The following FAM111B variants were observed in gnomAD, a reference collection of about 807,000 sequenced individuals.
The protein encoded by FAM111B is serine protease FAM111B.
FAM111B carries 1 observed loss-of-function variant against 2.8 expected under a neutral mutation model. The ratio of observed to expected loss-of-function variants is 0.36; its 90% CI spans 0.13 to 1.70. The LOEUF (loss-of-function observed/expected upper bound fraction) is 1.70, where lower values mean the gene tolerates loss of function less well. Ranked by LOEUF, FAM111B falls within the 40% of genes most tolerant of loss-of-function variation. The probability of loss-of-function intolerance (pLI) is 0.35; values close to 1 mark genes in which losing one functional copy is unlikely to be tolerated. For missense variants in FAM111B, 882 were observed against 878.9 expected, an observed-to-expected ratio of 1.00 and a Z score of -0.04; for synonymous variants, 297 against 295.6, an observed-to-expected ratio of 1.00 and a Z score of -0.05.
Position 59,126,311 on chromosome 11 carries a change from T to A in FAM111B, c.*9T>A, listed in dbSNP as rs1420645449. 1 of 1,497,456 alleles carries A rather than the reference T, an allele frequency of 6.7e-7. No homozygotes were observed. The highest frequency in any genetic ancestry group is 1.4e-5 in the African/African-American group (1 of 71,180). The allele number at this position is 1,497,456 out of a possible 1,614,324, so 92.8% of individuals were successfully genotyped here. A position where few individuals can be genotyped will look rare whatever the true frequency, so the allele number is the denominator to read the frequency against. ...AACCCATGGAATGTTAGAAAAGAGA[T>A]GCTGTCTTCAAGAAAATATGCCAAT... is the stretch of plus-strand genomic sequence containing the variant. On this transcript the variant is annotated 3_prime_UTR_variant, in exon 4 of 4. Coordinates refer to ENST00000343597, the MANE Select transcript of FAM111B (RefSeq NM_198947.4).
chr11:59,121,871 G>A (rs548813988), intron 3 of FAM111B, among the ~76,000 whole-genome samples: 41 of 152,296 alleles, frequency 2.7e-4, no homozygotes, highest in Non-Finnish European at 4.4e-4. Context: ...CAGGCCGGGC[G>A]CAGTGGCTCA....
In FAM111B at chr11:59,124,377, C is replaced by G. The variant is rs746511108; in HGVS notation, c.280C>G (p.Arg94Gly). The change falls in exon 4 of 4, where the codon CGT becomes GGT. Residue 94 changes from arginine to glycine, a missense_variant. Physicochemically the swap from Arg to Gly is moderately radical, Grantham distance 125. Transcript: ENST00000343597. ...TLNGNSRKLD[R>G]SVFTAYGKPS... ...GAATGGAAACTCCAGAAAATTAGACCGTAGTGTGTTTACAGCATATGGTAA... is the reference window on the plus strand; with the variant it reads ...GAATGGAAACTCCAGAAAATTAGACGGTAGTGTGTTTACAGCATATGGTAA... 3.0e-5 allele frequency: 48 copies of G among 1,613,588 alleles called. No homozygotes were observed. In the East Asian group the frequency reaches 3.6e-4, roughly 12 times the overall value.
At position 59,125,028 on chromosome 11, in the gene FAM111B, G is replaced by C; in HGVS notation, c.931G>C (p.Asp311His). The C allele has an allele frequency of 6.2e-7, 1 of 1,612,776 alleles. No individual in the cohort carries two copies. The highest frequency in any genetic ancestry group is 8.5e-7 in the Non-Finnish European group (1 of 1,179,718). Reference sequence around the variant, plus strand: ...GAAAAAAGTCCACAAACCAAAGAAAGATGGAGAGACCAAAGATGTAGAACA... The same window carrying C: ...GAAAAAAGTCCACAAACCAAAGAAACATGGAGAGACCAAAGATGTAGAACA... ...SKKKVHKPKKDGETKDVEHSR... is the reference protein window; with the variant it reads ...SKKKVHKPKKHGETKDVEHSR... Residue 311 changes from aspartate (D) to histidine (H), a missense_variant, in exon 4 of 4, where the codon GAT (aspartate) becomes CAT (histidine). Physicochemically the swap from Asp to His is moderately conservative, Grantham distance 81 (BLOSUM62 -1). Transcript: ENST00000343597.
Position 59,126,038 on chromosome 11 carries a change from T to C in FAM111B, c.1941T>C (p.Asp647=). 6.2e-7 allele frequency: 1 copy of C among 1,613,988 alleles called. No homozygotes were observed. Among genetic ancestry groups the C allele is most frequent in the Non-Finnish European group, 8.5e-7 (1 of 1,179,872 alleles). Residue 647 remains aspartate (D), a synonymous_variant, in exon 4 of 4, where the codon GAT becomes GAC. Coordinates refer to ENST00000343597, the MANE Select transcript of FAM111B (RefSeq NM_198947.4). ...HTLSYDTCFS[D]GSSGSPVFNA... ...TTAGTTATGATACTTGTTTCTCTGA[T>C]GGGTCCTCAGGCTCCCCAGTGTTTA...
At chr11:59,108,928 G>C (rs1232314521) in intron 2 of FAM111B, among the ~76,000 whole-genome samples, 1 of 152,236 alleles carries the variant, frequency 6.6e-6, no homozygotes, top group Non-Finnish European at 1.5e-5. Flanking sequence ...CTTTGTTCTA[G>C]TATGTTCATA....
chr11:59,109,549 G>C lies in FAM111B; in HGVS notation c.-77G>C. On this transcript the variant is annotated 5_prime_UTR_variant, in exon 3 of 4. Transcript: ENST00000343597. ...TTTTTGGTTTTTTTAGACATTTCAG[G>C]TGGCAGAATAAATTCAATCCTTGTT... is the stretch of plus-strand genomic sequence containing the variant. 1 of 1,039,674 alleles carries C rather than the reference G, an allele frequency of 9.6e-7. No individual in the cohort carries two copies. Among genetic ancestry groups the C allele is most frequent in the Non-Finnish European group, 1.4e-6 (1 of 717,104 alleles). The allele number at this position is 1,039,674 out of a possible 1,614,324, so 64.4% of individuals were successfully genotyped here.
At chr11:59,107,693 A>T (rs1590885517) in intron 1 of FAM111B, among the ~76,000 whole-genome samples, 1 of 152,126 alleles carries the variant, frequency 6.6e-6, no homozygotes, top group Admixed American at 6.5e-5. Flanking sequence ...AAGGTCTTTT[A>T]GGGCAGGTAG....
At position 59,125,962 on chromosome 11, in the gene FAM111B, G is replaced by T; in HGVS notation, c.1865G>T (p.Cys622Phe). ...DLYDTTSNVY[C>F]MFTQRSFLSE... Reference sequence around the variant, plus strand: ...TATGATACCACCAGTAATGTATACTGTATGTTTACCCAAAGAAGTTTCCTA... The same window carrying T: ...TATGATACCACCAGTAATGTATACTTTATGTTTACCCAAAGAAGTTTCCTA... Residue 622 changes from cysteine (C) to phenylalanine (F), a missense_variant, in exon 4 of 4, where the codon TGT (cysteine) becomes TTT (phenylalanine). Coordinates refer to ENST00000343597, the MANE Select transcript of FAM111B (RefSeq NM_198947.4). 2 of 1,613,872 alleles carry T rather than the reference G, an allele frequency of 1.2e-6. No homozygotes were observed. Among genetic ancestry groups the T allele is most frequent in the Non-Finnish European group, 8.5e-7 (1 of 1,179,828 alleles).
At chr11:59,115,172 C>T (rs1829866634) in intron 3 of FAM111B, among the ~76,000 whole-genome samples, 1 of 152,114 alleles carries the variant, frequency 6.6e-6, no homozygotes, top group South Asian at 2.1e-4. Context: ...GGATGGGGGC[C>T]ACTTTCTCTC....
At chr11:59,121,732 C>T (rs749727003) in intron 3 of FAM111B, among the ~76,000 whole-genome samples, 10 of 152,160 alleles carry the variant, frequency 6.6e-5, no homozygotes, top group Non-Finnish European at 1.0e-4. Flanking sequence ...CAAAATTAGC[C>T]ACTGCTTTTA....
chr11:59,126,291 A>G lies in FAM111B; in HGVS notation c.2194A>G (p.Met732Val). The G allele has an allele frequency of 6.6e-7, 1 of 1,524,500 alleles. No homozygotes were observed. Among genetic ancestry groups the G allele is most frequent in the Non-Finnish European group, 8.8e-7 (1 of 1,140,770 alleles). 94.4% of individuals were successfully genotyped at this position (1,524,500 alleles called of 1,614,324 possible). The change falls in exon 4 of 4, where the codon ATG becomes GTG. Residue 732 changes from methionine to valine, a missense_variant. Coordinates refer to ENST00000343597, the MANE Select transcript of FAM111B (RefSeq NM_198947.4). ...SSLQDHQIEP[M>V]EC ...ACTTCAAGATCATCAGATTGAACCC[A>G]TGGAATGTTAGAAAAGAGATGCTGT... is the stretch of plus-strand genomic sequence containing the variant.
intron 3 of FAM111B, among the ~76,000 whole-genome samples, chr11:59,115,614 A>G (rs1467134745): frequency 6.6e-6 from 1 of 152,216 alleles, no homozygotes; most frequent in Non-Finnish European, 1.5e-5. Flanking sequence ...GCTGTTTTAA[A>G]CATGGTGACA....
chr11:59,107,699 G>C (rs919505026), intron 1 of FAM111B, among the ~76,000 whole-genome samples: 3 of 152,256 alleles, frequency 2.0e-5, no homozygotes, highest in East Asian at 3.9e-4. Flanking sequence ...TTTTAGGGCA[G>C]GTAGTTGGAA....
chr11:59,107,261 G>C lies in FAM111B; in HGVS notation c.-167G>C, dbSNP rs1360401024. On this transcript the variant is annotated 5_prime_UTR_variant, in exon 1 of 4. Transcript: ENST00000343597. ...CAAATCCAGAGCGGCGGGCACTGAC[G>C]GGCACTTGCACCGTGTGGACAGACT... 1 of 152,386 alleles carries C rather than the reference G, an allele frequency of 6.6e-6. No homozygotes were observed. Among genetic ancestry groups the C allele is most frequent in the Non-Finnish European group, 1.5e-5 (1 of 68,202 alleles). 9.4% of individuals were successfully genotyped at this position (152,386 alleles called of 1,614,324 possible). A position where few individuals can be genotyped will look rare whatever the true frequency, so the allele number is the denominator to read the frequency against.
chr11:59,124,628 A>C lies in FAM111B; in HGVS notation c.531A>C (p.Glu177Asp). ...ATGGACACATATTACGCCAATGTGA[A>C]AATCCAAACATGGAATGCATTCTTT... is the stretch of plus-strand genomic sequence containing the variant. ...KEDGHILRQCENPNMECILFH... is the reference protein window; with the variant it reads ...KEDGHILRQCDNPNMECILFH... The change falls in exon 4 of 4, where the codon GAA (glutamate) becomes GAC (aspartate). Residue 177 changes from glutamate (E) to aspartate (D), a missense_variant. Transcript: ENST00000343597. The C allele has an allele frequency of 6.2e-7, 1 of 1,613,978 alleles. No individual in the cohort carries two copies. Among genetic ancestry groups the C allele is most frequent in the East Asian group, 2.2e-5 (1 of 44,870 alleles).
At chr11:59,117,808 A>G (rs1232272524) in intron 3 of FAM111B, among the ~76,000 whole-genome samples, 1 of 152,198 alleles carries the variant, frequency 6.6e-6, no homozygotes, top group Non-Finnish European at 1.5e-5. Context: ...TTACCAGTGG[A>G]GGGTCTTGAC....
Position 59,125,875 on chromosome 11 carries a change from T to C in FAM111B, c.1778T>C (p.Ile593Thr). Residue 593 changes from isoleucine (I) to threonine (T), a missense_variant, in exon 4 of 4, where the codon ATT becomes ACT. Physicochemically the swap from Ile to Thr is moderately conservative, Grantham distance 89 (BLOSUM62 -1). Transcript: ENST00000343597. ...QIKKIDGCTV[I>T]PLNERLKKYP... ...AAGAAAATAGATGGTTGTACTGTGA[T>C]TCCTCTAAACGAACGATTGAAAAAA... 1 of 1,613,940 alleles carries C rather than the reference T, an allele frequency of 6.2e-7. No individual in the cohort carries two copies. Among genetic ancestry groups the C allele is most frequent in the Non-Finnish European group, 8.5e-7 (1 of 1,179,860 alleles).
intron 1 of FAM111B, among the ~76,000 whole-genome samples, chr11:59,107,840 A>G (rs1293918468): frequency 6.6e-6 from 1 of 152,188 alleles, no homozygotes; most frequent in Non-Finnish European, 1.5e-5. Context: ...AGATTGAGGT[A>G]TGGTAATCAG....
At chr11:59,119,037 G>A (rs964196745) in intron 3 of FAM111B, among the ~76,000 whole-genome samples, 1 of 152,086 alleles carries the variant, frequency 6.6e-6, no homozygotes, top group Admixed American at 6.5e-5. Flanking sequence ...AATGCCTCAC[G>A]AATTATGATG....
Sources: gnomAD v4.1 joint callset for allele counts (sites outside exome capture counted in the v4.1 genomes callset) on GRCh38, gnomAD v4.1.1 for gene constraint, MANE v1.5 for transcripts, NCBI Gene and HGNC (gene_info 2026-07-23, HGNC 2026-07-21) for gene names.